The following HS3ST5 variants were observed in gnomAD, a reference collection of about 807,000 sequenced individuals.
HS3ST5 encodes the protein heparan sulfate-glucosamine 3-sulfotransferase 5.
In HS3ST5, 10 loss-of-function variants were observed where a neutral mutation model predicts 25.4. The ratio of observed to expected loss-of-function variants is 0.39; its 90% CI spans 0.24 to 0.67. HS3ST5 has a LOEUF of 0.67. HS3ST5 is among the 30% of genes least tolerant of loss of function. HS3ST5 has a pLI of 0.44. For missense variants in HS3ST5, 324 were observed against 420.7 expected, an observed-to-expected ratio of 0.77 and a Z score of 2.01; for synonymous variants, 170 against 162.4, an observed-to-expected ratio of 1.05 and a Z score of -0.36.
intron 1 of HS3ST5, among the ~76,000 whole-genome samples, chr6:114,300,237 G>T (rs539115176): frequency 6.6e-6 from 1 of 151,652 alleles, no homozygotes; most frequent in East Asian, 1.9e-4. Context: ...CCAGAGAATA[G>T]GAGAAAATAT....
In HS3ST5 at chr6:114,084,515, C is replaced by G; in HGVS notation, c.-32-21638G>C. 1.2e-5 allele frequency: 9 copies of G among 758,532 alleles called. 1 individual carries two copies. In the South Asian group the frequency reaches 1.2e-4, roughly 10 times the overall value. The allele number at this position is 758,532 out of a possible 1,614,324, so 47.0% of individuals were successfully genotyped here. On this transcript the variant is annotated intron_variant, in intron 3 of 4. Coordinates refer to ENST00000312719, the MANE Select transcript of HS3ST5 (RefSeq NM_153612.4). Reference sequence around the variant, plus strand: ...ATGGTGCCACGCATGCGCAGAACTTCCCGAGCCGGCGTCCACCGCATCACA... The same window carrying G: ...ATGGTGCCACGCATGCGCAGAACTTGCCGAGCCGGCGTCCACCGCATCACA...
intron 2 of HS3ST5, among the ~76,000 whole-genome samples, chr6:114,191,624 G>A (rs1410096292): frequency 1.3e-5 from 2 of 152,140 alleles, no homozygotes; most frequent in Non-Finnish European, 2.9e-5. Flanking sequence ...AGTTGAGTGA[G>A]GATAATCCTC....
intron 1 of HS3ST5, among the ~76,000 whole-genome samples, chr6:114,269,769 A>G (rs1374582189): frequency 1.3e-5 from 2 of 152,220 alleles, no homozygotes; most frequent in African/African-American, 4.8e-5. Flanking sequence ...GTTCATTAAT[A>G]TAATTTTAGA....
At position 114,084,322 on chromosome 6, in the gene HS3ST5, A is replaced by G. The variant is rs1183312664; in HGVS notation, c.-32-21445T>C. The G allele has an allele frequency of 9.2e-6, 7 of 764,632 alleles. No individual in the cohort carries two copies. The East Asian group carries it at 1.7e-4, about 19-fold the overall frequency. The allele number at this position is 764,632 out of a possible 1,614,324, so 47.4% of individuals were successfully genotyped here. On this transcript the variant is annotated intron_variant, in intron 3 of 4. Transcript: ENST00000312719. ...CTGCACACCTTCAGACCAGTCTGCA[A>G]TCTCAGGCTGAGTAGCAGTGAACTC...
At chr6:114,243,727 T>TA (rs1464045896) in intron 1 of HS3ST5, among the ~76,000 whole-genome samples, 1 of 152,122 alleles carries the variant, frequency 6.6e-6, no homozygotes. Context: ...TTTGACCCAA[T>TA]AAGAAGGTGG....
In HS3ST5 at chr6:114,107,789, A is replaced by C. The variant is rs574397594; in HGVS notation, c.-32-44912T>G. 3.0e-4 allele frequency among the ~76,000 whole-genome samples: 45 copies of C among 152,374 alleles called. No homozygotes were observed. In the South Asian group the frequency reaches 9.3e-3, roughly 32 times the overall value. Reference sequence around the variant, plus strand: ...TATTTAGGAAATAAATTTGACAAAGAATATGCAAAACCTGTACACTGATAA... The same window carrying C: ...TATTTAGGAAATAAATTTGACAAAGCATATGCAAAACCTGTACACTGATAA... On this transcript the variant is annotated intron_variant, in intron 3 of 4. Coordinates refer to ENST00000312719, the MANE Select transcript of HS3ST5 (RefSeq NM_153612.4).
chr6:114,196,738 G>A (rs998029228), intron 2 of HS3ST5, among the ~76,000 whole-genome samples: 5 of 151,958 alleles, frequency 3.3e-5, no homozygotes, highest in African/African-American at 1.2e-4. Flanking sequence ...AATTTACAAT[G>A]TGTGATGATA....
At chr6:114,169,251 C>T (rs1448337298) in intron 2 of HS3ST5, among the ~76,000 whole-genome samples, 1 of 152,006 alleles carries the variant, frequency 6.6e-6, no homozygotes, top group Non-Finnish European at 1.5e-5. Flanking sequence ...AGAAACCCAT[C>T]TTTTACTTGG....
At chr6:114,077,133 C>A (rs1774183685) in intron 3 of HS3ST5, among the ~76,000 whole-genome samples, 1 of 152,174 alleles carries the variant, frequency 6.6e-6, no homozygotes, top group Admixed American at 6.5e-5. Context: ...TTTATCACAG[C>A]TCCCGTTATT....
chr6:114,158,268 A>G (rs967137636), intron 3 of HS3ST5, among the ~76,000 whole-genome samples: 1 of 152,222 alleles, frequency 6.6e-6, no homozygotes, highest in African/African-American at 2.4e-5. Context: ...TAATAAAAGA[A>G]AGAATAAAAT....
At chr6:114,115,268 G>A (rs773307710) in intron 3 of HS3ST5, among the ~76,000 whole-genome samples, 4 of 152,002 alleles carry the variant, frequency 2.6e-5, no homozygotes, top group Non-Finnish European at 5.9e-5. Flanking sequence ...AACTATAAAA[G>A]TCTCTCATAG....
rs1348524659 is a variant in HS3ST5, at chr6:114,174,101, C to A, written c.-144-5639G>T. Among the ~76,000 whole-genome samples, 5 of 152,042 alleles carry A rather than the reference C, an allele frequency of 3.3e-5. No homozygotes were observed. The East Asian group carries it at 9.8e-4, about 30-fold the overall frequency. Reference sequence around the variant, plus strand: ...CCAGCTTCATCTGTTCCCACTCTACCCTGCCTGGCCCATTCATTCATCCAG... The same window carrying A: ...CCAGCTTCATCTGTTCCCACTCTACACTGCCTGGCCCATTCATTCATCCAG... On this transcript the variant is annotated intron_variant, in intron 2 of 4. Transcript: ENST00000312719.
chr6:114,165,284 C>G (rs1355455108), intron 3 of HS3ST5, among the ~76,000 whole-genome samples: 1 of 152,136 alleles, frequency 6.6e-6, no homozygotes, highest in African/African-American at 2.4e-5. Flanking sequence ...GTAACTGCCA[C>G]TTAGTAACTG....
Position 114,219,212 on chromosome 6 carries a change from T to C in HS3ST5, c.-145+9373A>G, listed in dbSNP as rs1374285471. 3.3e-5 allele frequency among the ~76,000 whole-genome samples: 5 copies of C among 152,336 alleles called. No homozygotes were observed. In the East Asian group the frequency reaches 9.6e-4, roughly 29 times the overall value. ...ATTGTCTGTCAAGCTGTACTTCCAA[T>C]CACATTATTTTTATTCTTACCAATT... On this transcript the variant is annotated intron_variant, in intron 2 of 4. Transcript: ENST00000312719.
chr6:114,128,805 A>G (rs998956051), intron 3 of HS3ST5, among the ~76,000 whole-genome samples: 2 of 152,240 alleles, frequency 1.3e-5, no homozygotes, highest in Non-Finnish European at 2.9e-5. Context: ...GTGAATGTCA[A>G]TGAATAAATC....
intron 4 of HS3ST5, chr6:114,059,431 C>G (rs1221663689): frequency 6.6e-6 from 1 of 152,168 alleles, no homozygotes; most frequent in Non-Finnish European, 1.5e-5. Context: ...TTGCATCTTT[C>G]TTGTTTTCTG....
At chr6:114,333,857 A>G (rs1276240812) in intron 1 of HS3ST5, among the ~76,000 whole-genome samples, 8 of 152,212 alleles carry the variant, frequency 5.3e-5, no homozygotes, top group South Asian at 2.1e-4. Flanking sequence ...CTAAGTTGGT[A>G]TCACACATCT....
intron 1 of HS3ST5, among the ~76,000 whole-genome samples, chr6:114,238,381 G>A (rs545753291): frequency 3.9e-5 from 6 of 152,322 alleles, no homozygotes; most frequent in Admixed American, 3.3e-4. Context: ...AAGATTGGCT[G>A]TGGCATAGTT....
intron 1 of HS3ST5, among the ~76,000 whole-genome samples, chr6:114,300,251 C>T (rs1039626058): frequency 2.0e-5 from 3 of 151,898 alleles, no homozygotes; most frequent in Non-Finnish European, 4.4e-5. Context: ...AAAATATTTA[C>T]AAGCCATCTA....
Sources: gnomAD v4.1 joint callset for allele counts (sites outside exome capture counted in the v4.1 genomes callset) on GRCh38, gnomAD v4.1.1 for gene constraint, MANE v1.5 for transcripts, NCBI Gene and HGNC (gene_info 2026-07-23, HGNC 2026-07-21) for gene names.